Variants in KCNQ5 observed in about 807,000 individuals in gnomAD.
The protein encoded by KCNQ5 is potassium voltage-gated channel subfamily KQT member 5.
KCNQ5 carries 30 observed loss-of-function variants against 98.2 expected under a neutral mutation model. That is an observed-to-expected ratio of 0.31 (90% CI 0.23 to 0.41). KCNQ5 has a LOEUF of 0.41. Ranked by LOEUF, KCNQ5 falls within the 10% of genes least tolerant of loss-of-function variation. The pLI, the probability that KCNQ5 is intolerant of heterozygous loss-of-function variation, is 1.00. For synonymous variants in KCNQ5, 458 were observed against 449.4 expected (o/e 1.02, Z -0.24); for missense variants, 835 against 1,182.5 (o/e 0.71, Z 4.31).
chr6:72,700,291 A>ATATG (rs761729551), intron 1 of KCNQ5, among the ~76,000 whole-genome samples: 6 of 149,064 alleles, frequency 4.0e-5, no homozygotes, highest in Non-Finnish European at 8.9e-5. Flanking sequence ...CTATATATCT[A>ATATG]TATCTATCTA....
intron 10 of KCNQ5, among the ~76,000 whole-genome samples, chr6:73,163,315 T>G (rs1464578612): frequency 6.6e-6 from 1 of 152,180 alleles, no homozygotes; most frequent in Non-Finnish European, 1.5e-5. Context: ...GAAGGATAAC[T>G]TGAGCCCAGG....
intron 1 of KCNQ5, among the ~76,000 whole-genome samples, chr6:72,983,631 T>C (rs901068311): frequency 3.3e-5 from 5 of 152,200 alleles, no homozygotes; most frequent in African/African-American, 1.2e-4. Flanking sequence ...CTCCTTTAGC[T>C]CGGAGAATTT....
At chr6:73,029,937 G>T (rs974276853) in intron 2 of KCNQ5, among the ~76,000 whole-genome samples, 1 of 144,256 alleles carries the variant, frequency 6.9e-6, no homozygotes, top group Non-Finnish European at 1.5e-5. Context: ...GAGTATACTT[G>T]ATTTATGGCA....
chr6:72,774,605 A>G (rs1443625626), intron 1 of KCNQ5, among the ~76,000 whole-genome samples: 1 of 151,138 alleles, frequency 6.6e-6, no homozygotes, highest in Admixed American at 6.6e-5. Flanking sequence ...TATCCAGTAT[A>G]TAAACACACA....
intron 1 of KCNQ5, among the ~76,000 whole-genome samples, chr6:72,633,870 A>C (rs1274762660): frequency 6.6e-6 from 1 of 152,224 alleles, no homozygotes; most frequent in Non-Finnish European, 1.5e-5. Context: ...CTTTCACCAT[A>C]TACAAAAATT....
chr6:72,644,291 T>C (rs1275065806), intron 1 of KCNQ5, among the ~76,000 whole-genome samples: 1 of 152,184 alleles, frequency 6.6e-6, no homozygotes, highest in Non-Finnish European at 1.5e-5. Flanking sequence ...ATATATATTG[T>C]TGATTCATTA....
intron 1 of KCNQ5, among the ~76,000 whole-genome samples, chr6:72,752,038 A>G (rs1456960286): frequency 6.6e-6 from 1 of 152,088 alleles, no homozygotes; most frequent in Non-Finnish European, 1.5e-5. Context: ...CTATACTACC[A>G]TACATTGCTT....
chr6:73,073,162 G>GT (rs1242778532), intron 3 of KCNQ5, among the ~76,000 whole-genome samples: 9 of 152,036 alleles, frequency 5.9e-5, no homozygotes, highest in Non-Finnish European at 1.2e-4. Context: ...GGATGGAGTG[G>GT]TATACCATAA....
intron 1 of KCNQ5, among the ~76,000 whole-genome samples, chr6:72,734,320 GTT>G (rs1770709934): frequency 1.5e-5 from 1 of 66,794 alleles, no homozygotes; most frequent in African/African-American, 2.2e-4. Context: ...GTTTTTGTTT[GTT>G]TGTTTGTTTG....
Position 73,195,241 on chromosome 6 carries a change from G to T in KCNQ5, c.2626G>T (p.Val876Leu), listed in dbSNP as rs775335141. The T allele has an allele frequency of 1.2e-6, 2 of 1,614,090 alleles. No individual in the cohort carries two copies. The highest frequency in any genetic ancestry group is 2.7e-5 in the African/African-American group (2 of 74,924). Reference protein sequence around the residue: ...ESKLFITDEEVGPEETETDTF... With the variant: ...ESKLFITDEELGPEETETDTF... The stretch of plus-strand genomic sequence containing the variant: ...CAAATTGTTTATAACTGATGAAGAG[G>T]TGGGTCCCGAAGAGACAGAGACAGA... The change falls in exon 14 of 14, where the codon GTG becomes TTG. Residue 876 changes from valine to leucine, a missense_variant. Val to Leu is a conservative substitution (Grantham distance 32). Around this residue, in one of 10 missense-constraint regions of KCNQ5, gnomAD observed 416 missense variants for 446.9 expected, o/e 0.93. Coordinates refer to ENST00000370398, the MANE Select transcript of KCNQ5 (RefSeq NM_019842.4).
chr6:73,055,523 A>C, intron 3 of KCNQ5: 1 of 1,513,724 alleles, frequency 6.6e-7, no homozygotes, highest in Non-Finnish European at 9.2e-7. Context: ...TGCAGACCTC[A>C]CAGAAAATCA....
intron 1 of KCNQ5, among the ~76,000 whole-genome samples, chr6:73,001,918 G>A (rs1354946315): frequency 5.9e-5 from 9 of 151,594 alleles, no homozygotes; most frequent in African/African-American, 9.7e-5. Flanking sequence ...CCAGGAGTTC[G>A]AGACCAGCCT....
At chr6:73,111,233 A>T in intron 6 of KCNQ5, 75 bp from the exon 7 acceptor site, 1 of 974,920 alleles carries the variant, frequency 1.0e-6, no homozygotes, top group Non-Finnish European at 1.6e-6. Context: ...GACTCATTTT[A>T]GTGACTTTTT....
chr6:72,785,428 C>T (rs1298972201), intron 1 of KCNQ5, among the ~76,000 whole-genome samples: 3 of 152,108 alleles, frequency 2.0e-5, no homozygotes, highest in East Asian at 3.9e-4. Flanking sequence ...GCGGGTGGAT[C>T]GCCTGAGGTC....
At chr6:73,161,421 A>G (rs1777610343) in intron 10 of KCNQ5, among the ~76,000 whole-genome samples, 1 of 152,246 alleles carries the variant, frequency 6.6e-6, no homozygotes, top group African/African-American at 2.4e-5. Context: ...TATAGTTTAC[A>G]GTAATCTGTT....
chr6:72,981,088 G>A (rs923853532), intron 1 of KCNQ5, among the ~76,000 whole-genome samples: 10 of 152,052 alleles, frequency 6.6e-5, no homozygotes, highest in East Asian at 1.9e-4. Flanking sequence ...TTTTCTCATC[G>A]ATATTCCTCG....
At chr6:72,735,857 AT>A (rs1425232548) in intron 1 of KCNQ5, among the ~76,000 whole-genome samples, 17 of 152,216 alleles carry the variant, frequency 1.1e-4, no homozygotes, top group Non-Finnish European at 2.9e-5. Context: ...GAAATTTAAC[AT>A]TTTTCTAGCA....
intron 1 of KCNQ5, among the ~76,000 whole-genome samples, chr6:72,935,499 A>G (rs899661089): frequency 2.0e-5 from 3 of 152,164 alleles, no homozygotes; most frequent in Admixed American, 1.3e-4. Context: ...CCTGCTAAGC[A>G]TACTGCCGGC....
intron 1 of KCNQ5, among the ~76,000 whole-genome samples, chr6:72,653,981 G>T (rs1467698957): frequency 6.6e-6 from 1 of 152,002 alleles, no homozygotes; most frequent in Non-Finnish European, 1.5e-5. Context: ...TAATACCTAT[G>T]TACAGGACTT....
Sources: allele counts gnomAD v4.1 joint callset (sites outside exome capture counted in the v4.1 genomes callset), GRCh38; gene constraint gnomAD v4.1.1; regional missense constraint gnomAD v4.1.1; transcripts MANE v1.5; gene names NCBI Gene and HGNC (gene_info 2026-07-23, HGNC 2026-07-21).